Variants in CRYL1 observed in about 807,000 individuals in gnomAD.
CRYL1 encodes the protein lambda-crystallin homolog.
In CRYL1, 29 loss-of-function variants were observed where a neutral mutation model predicts 36.6. The ratio of observed to expected loss-of-function variants is 0.79; its 90% CI spans 0.59 to 1.08. The LOEUF is 1.08. Among genes scored for constraint, CRYL1 ranks in the 50% least tolerant of loss-of-function variants. The pLI is 0.00. For synonymous variants in CRYL1, 152 were observed against 151.5 expected (o/e 1.00, Z -0.02); for missense variants, 411 against 407.9 (o/e 1.01, Z -0.06).
chr13:20,431,592 ATGT>A (rs1426112159), intron 5 of CRYL1: 3 of 1,019,914 alleles, frequency 2.9e-6, no homozygotes, highest in East Asian at 9.5e-5. Context: ...TTAGAGGATG[ATGT>A]TAAATATATT....
intron 1 of CRYL1, among the ~76,000 whole-genome samples, chr13:20,520,502 C>G (rs1323393713): frequency 6.6e-6 from 1 of 152,200 alleles, no homozygotes; most frequent in South Asian, 2.1e-4. Flanking sequence ...TCGCAATTAT[C>G]TGACCTGAGG....
At position 20,525,802 on chromosome 13, in the gene CRYL1, C is replaced by T. The variant is rs2034181809; in HGVS notation, c.-8G>A. On this transcript the variant is annotated 5_prime_UTR_variant, in exon 1 of 8. Coordinates refer to ENST00000298248, the MANE Select transcript of CRYL1 (RefSeq NM_015974.3). The surrounding 1 kb of genome is among the most constrained non-coding windows in gnomAD (Gnocchi z 4.3). ...GGCCGCGGAGGACGCCATGGTTGGG[C>T]CGGGGACGCGGCGCCGCGGGCGCTG... 2.4e-6 allele frequency: 3 copies of T among 1,244,812 alleles called. No individual in the cohort carries two copies. Among genetic ancestry groups the T allele is most frequent in the East Asian group, 6.5e-5 (2 of 30,850 alleles). 77.1% of individuals were successfully genotyped at this position (1,244,812 alleles called of 1,614,324 possible). A position where few individuals can be genotyped will look rare whatever the true frequency, so the allele number is the denominator to read the frequency against.
At chr13:20,404,399 C>T (rs192558572) in intron 7 of CRYL1, among the ~76,000 whole-genome samples, 157 bp from the exon 8 acceptor site, 83 of 152,246 alleles carry the variant, frequency 5.5e-4, no homozygotes, top group African/African-American at 1.9e-3. Context: ...TCTTGAAAGA[C>T]CTCAGTCCCT....
In CRYL1 at chr13:20,403,919, G is replaced by A. The variant is rs1033698490; in HGVS notation, c.*210C>T. On this transcript the variant is annotated 3_prime_UTR_variant, in exon 8 of 8. Transcript: ENST00000298248. ...GCAGGAAATCGACAGCCCCGAGAACGCAAGTGCTGCTGTGCCGCCAGGCCC... is the reference window on the plus strand; with the variant it reads ...GCAGGAAATCGACAGCCCCGAGAACACAAGTGCTGCTGTGCCGCCAGGCCC... 7 of 398,874 alleles carry A rather than the reference G, an allele frequency of 1.8e-5. No homozygotes were observed. Among genetic ancestry groups the A allele is most frequent in the South Asian group, 1.4e-4 (2 of 13,916 alleles). The allele number at this position is 398,874 out of a possible 1,614,324, so 24.7% of individuals were successfully genotyped here.
At chr13:20,431,889 C>T in intron 5 of CRYL1, 1 of 1,503,878 alleles carries the variant, frequency 6.6e-7, no homozygotes, top group Non-Finnish European at 8.9e-7. Flanking sequence ...TAAGAAGAAC[C>T]TCTCAGGCAG....
chr13:20,524,879 C>A (rs2034161223), intron 1 of CRYL1, among the ~76,000 whole-genome samples: 1 of 151,296 alleles, frequency 6.6e-6, no homozygotes, highest in Non-Finnish European at 1.5e-5. Flanking sequence ...GGGGCGGAGT[C>A]GGGGGCAGGC....
intron 2 of CRYL1, 81 bp downstream of exon 2, chr13:20,512,362 G>T: frequency 1.0e-6 from 1 of 990,072 alleles, no homozygotes; most frequent in South Asian, 1.4e-5. Context: ...GATCCTCATA[G>T]CCTTGAGGAT....
chr13:20,498,378 G>A (rs9552214), intron 2 of CRYL1, among the ~76,000 whole-genome samples: 29,216 of 120,308 alleles, frequency 0.24, 2,943 homozygotes, highest in South Asian at 0.33. Flanking sequence ...CACACACTAC[G>A]CACACCACAT....
At chr13:20,452,214 A>G (rs2032584688) in intron 3 of CRYL1, among the ~76,000 whole-genome samples, 3 of 150,466 alleles carry the variant, frequency 2.0e-5, no homozygotes, top group Admixed American at 1.3e-4. Context: ...AACAAAAAGT[A>G]AAAAAGAGGC....
intron 3 of CRYL1, among the ~76,000 whole-genome samples, chr13:20,444,662 A>G (rs183587087): frequency 3.3e-5 from 5 of 152,354 alleles, no homozygotes; most frequent in African/African-American, 4.8e-5. Context: ...TAATCCTGCA[A>G]TTATATAGTT....
At chr13:20,502,619 C>A (rs1302885505) in intron 2 of CRYL1, 1 of 152,446 alleles carries the variant, frequency 6.6e-6, no homozygotes, top group Non-Finnish European at 1.5e-5. Flanking sequence ...CACGCCACTG[C>A]ACTCCAGCCT....
At chr13:20,442,091 A>G (rs1453490110) in intron 3 of CRYL1, among the ~76,000 whole-genome samples, 1 of 152,232 alleles carries the variant, frequency 6.6e-6, no homozygotes, top group East Asian at 1.9e-4. Context: ...GCCTTGTAGC[A>G]AAGCCAGAGA....
rs573840034 is a variant in CRYL1, at chr13:20,454,561, G to A, written c.277-14807C>T. The stretch of plus-strand genomic sequence containing the variant: ...GCCTCCTGAGTAGCTGGGACTACAC[G>A]CGCCTGCCACCACACCCGGCTAATT... On this transcript the variant is annotated intron_variant, in intron 3 of 7. Transcript: ENST00000298248. Among the ~76,000 whole-genome samples, 16 of 151,884 alleles carry A rather than the reference G, an allele frequency of 1.1e-4. No individual in the cohort carries two copies. In the East Asian group the frequency reaches 2.7e-3, roughly 26 times the overall value.
chr13:20,521,264 G>A (rs181835233), intron 1 of CRYL1, among the ~76,000 whole-genome samples: 21 of 152,218 alleles, frequency 1.4e-4, no homozygotes, highest in African/African-American at 5.1e-4. Context: ...TAACCTTAGG[G>A]TTGGCAGTGA....
At chr13:20,483,237 T>A (rs1253523650) in intron 3 of CRYL1, among the ~76,000 whole-genome samples, 1 of 152,184 alleles carries the variant, frequency 6.6e-6, no homozygotes, top group Non-Finnish European at 1.5e-5. Flanking sequence ...GATATCCTAA[T>A]ACACCGGGAT....
intron 3 of CRYL1, among the ~76,000 whole-genome samples, chr13:20,472,171 ATTTTTAAAAAATGGCCT>A (rs1256372752): frequency 3.9e-5 from 6 of 152,074 alleles, no homozygotes; most frequent in African/African-American, 1.4e-4. Context: ...CAAGTCCCTG[ATTTTTAAAAAATGGCCT>A]AGTATTTTCA....
chr13:20,465,472 T>A (rs1204049190), intron 3 of CRYL1, among the ~76,000 whole-genome samples: 1 of 152,072 alleles, frequency 6.6e-6, no homozygotes, highest in African/African-American at 2.4e-5. Context: ...TCAGGAGTAA[T>A]TTGGAGGTTA....
At chr13:20,427,884 C>T (rs931435869) in intron 5 of CRYL1, among the ~76,000 whole-genome samples, 11 of 151,914 alleles carry the variant, frequency 7.2e-5, no homozygotes, top group South Asian at 2.1e-4. Context: ...GGAGGACTAC[C>T]GAGAACTTTA....
intron 3 of CRYL1, among the ~76,000 whole-genome samples, chr13:20,469,196 T>G (rs2033004058): frequency 6.6e-6 from 1 of 152,246 alleles, no homozygotes; most frequent in Admixed American, 6.5e-5. Context: ...CTAAAGCAGA[T>G]GGACCACCAC....
Sources: allele counts gnomAD v4.1 joint callset (sites outside exome capture counted in the v4.1 genomes callset), GRCh38; gene constraint gnomAD v4.1.1; non-coding constraint Gnocchi (gnomAD v3.1); transcripts MANE v1.5; gene names NCBI Gene and HGNC (gene_info 2026-07-23, HGNC 2026-07-21).